RHOQ: variants seen among roughly 807,000 people sequenced by gnomAD.
RHOQ encodes the protein rho-related GTP-binding protein RhoQ.
RHOQ carries 7 observed loss-of-function variants against 25.8 expected under a neutral mutation model. The observed-to-expected ratio is 0.27, with a 90% CI of 0.15 to 0.51. RHOQ has a LOEUF of 0.51. Among genes scored for constraint, RHOQ ranks in the 20% least tolerant of loss-of-function variants. The probability of loss-of-function intolerance (pLI) is 0.97; values close to 1 mark genes in which losing one functional copy is unlikely to be tolerated. For synonymous variants in RHOQ, 97 were observed against 98.6 expected (o/e 0.98, Z 0.10); for missense variants, 165 against 260.6 (o/e 0.63, Z 2.53).
intron 1 of RHOQ, 83 bp downstream of exon 1, chr2:46,543,271 T>TC: frequency 6.6e-7 from 1 of 1,509,002 alleles, no homozygotes; most frequent in African/African-American, 1.4e-5. Flanking sequence ...CCTCGCCGCC[T>TC]CCCCAGAGCG....
In RHOQ at chr2:46,546,797, A is replaced by G. The variant is rs1342430379; in HGVS notation, c.201+2985A>G. 2.6e-5 allele frequency among the ~76,000 whole-genome samples: 4 copies of G among 152,168 alleles called. No homozygotes were observed. The South Asian group carries it at 6.2e-4, about 24-fold the overall frequency. ...GTACAGGAAATTATTATATTCCACTATGGGGAGTTTTGTGGGGAGAAAGGT... is the reference window on the plus strand; with the variant it reads ...GTACAGGAAATTATTATATTCCACTGTGGGGAGTTTTGTGGGGAGAAAGGT... On this transcript the variant is annotated intron_variant, in intron 2 of 4. Coordinates refer to ENST00000238738, the MANE Select transcript of RHOQ (RefSeq NM_012249.4).
chr2:46,572,209 C>T (rs963091148), intron 2 of RHOQ, among the ~76,000 whole-genome samples: 3 of 138,360 alleles, frequency 2.2e-5, no homozygotes, highest in Non-Finnish European at 4.5e-5. Context: ...CTCAACTGAT[C>T]CACCCACCTG....
chr2:46,552,134 G>C lies in RHOQ; in HGVS notation c.201+8322G>C, dbSNP rs1668260408. Among the ~76,000 whole-genome samples, 1 of 152,236 alleles carries C rather than the reference G, an allele frequency of 6.6e-6. No homozygotes were observed. The highest frequency in any genetic ancestry group is 2.4e-5 in the African/African-American group (1 of 41,462). On this transcript the variant is annotated intron_variant, in intron 2 of 4. Transcript: ENST00000238738. This position sits in a 1 kb window ranked among gnomAD's most constrained non-coding sequence, Gnocchi z 5.0. Reference sequence around the variant, plus strand: ...GCGTATCGCTTTTCTAGCTAGAAGAGATGGTGGAACATTGTGTATAGGTGG... The same window carrying C: ...GCGTATCGCTTTTCTAGCTAGAAGACATGGTGGAACATTGTGTATAGGTGG...
chr2:46,558,403 T>C (rs1668467145), intron 2 of RHOQ, among the ~76,000 whole-genome samples: 1 of 152,242 alleles, frequency 6.6e-6, no homozygotes, highest in African/African-American at 2.4e-5. Context: ...TTTTTATTCC[T>C]TCATACCGGA....
chr2:46,565,501 G>A (rs965025830), intron 2 of RHOQ, among the ~76,000 whole-genome samples: 1 of 152,240 alleles, frequency 6.6e-6, no homozygotes, highest in Non-Finnish European at 1.5e-5. Context: ...CATTCAGGGA[G>A]GTGGGTTGGA....
At position 46,576,625 on chromosome 2, in the gene RHOQ, G is replaced by A; in HGVS notation, c.431G>A (p.Cys144Tyr). The A allele has an allele frequency of 6.2e-7, 1 of 1,608,656 alleles. No individual in the cohort carries two copies. Among genetic ancestry groups the A allele is most frequent in the Non-Finnish European group, 8.5e-7 (1 of 1,177,128 alleles). ...RLNDMKEKPI[C>Y]VEQGQKLAKE... The stretch of plus-strand genomic sequence containing the variant: ...AATGATATGAAAGAAAAACCTATAT[G>A]TGTGGAACAAGGACAGAAACTAGCA... Residue 144 changes from cysteine to tyrosine, a missense_variant, in exon 4 of 5, where the codon TGT becomes TAT. Transcript: ENST00000238738. The surrounding 1 kb of genome is among the most constrained non-coding windows in gnomAD (Gnocchi z 5.1).
chr2:46,567,011 C>T (rs1277808277), intron 2 of RHOQ, among the ~76,000 whole-genome samples: 1 of 152,150 alleles, frequency 6.6e-6, no homozygotes, highest in East Asian at 1.9e-4. Flanking sequence ...ACCCATCTCC[C>T]ATTTTTATAA....
chr2:46,565,170 T>G (rs1416221446), intron 2 of RHOQ, among the ~76,000 whole-genome samples: 1 of 152,092 alleles, frequency 6.6e-6, no homozygotes, highest in East Asian at 1.9e-4. Context: ...AACCAGCGAC[T>G]TAGTGGGAGG....
In RHOQ at chr2:46,583,715, G is replaced by C. The variant is rs372838910; in HGVS notation, c.*2632G>C. 6.6e-6 allele frequency among the ~76,000 whole-genome samples: 1 copy of C among 152,136 alleles called. No individual in the cohort carries two copies. The highest frequency in any genetic ancestry group is 1.5e-5 in the Non-Finnish European group (1 of 67,998). ...TTCATTCAAAGCTTAGGCTTCAATAGAAATTCAGACTAATCACTGAAATGA... is the reference window on the plus strand; with the variant it reads ...TTCATTCAAAGCTTAGGCTTCAATACAAATTCAGACTAATCACTGAAATGA... On this transcript the variant is annotated 3_prime_UTR_variant, in exon 5 of 5. Coordinates refer to ENST00000238738, the MANE Select transcript of RHOQ (RefSeq NM_012249.4).
chr2:46,552,110 C>T lies in RHOQ; in HGVS notation c.201+8298C>T, dbSNP rs1383272862. Among the ~76,000 whole-genome samples the T allele has an allele frequency of 3.3e-5, 5 of 152,322 alleles. No individual in the cohort carries two copies. The highest frequency in any genetic ancestry group is 2.0e-4 in the Admixed American group (3 of 15,308). On this transcript the variant is annotated intron_variant, in intron 2 of 4. Coordinates refer to ENST00000238738, the MANE Select transcript of RHOQ (RefSeq NM_012249.4). The surrounding 1 kb of genome is among the most constrained non-coding windows in gnomAD (Gnocchi z 5.0). ...TTTCATGTAAAAGGTACATTCCAAG[C>T]GTATCGCTTTTCTAGCTAGAAGAGA...
In RHOQ at chr2:46,546,476, GTATA is replaced by G. The variant is rs1553418898; in HGVS notation, c.201+2696_201+2699del. Among the ~76,000 whole-genome samples, 20 of 13,098 alleles carry G rather than the reference GTATA, an allele frequency of 1.5e-3. 1 individual carries two copies. The highest frequency in any genetic ancestry group is 2.3e-3 in the Non-Finnish European group (15 of 6,600). The allele number at this position is 13,098 out of a possible 152,430, so 8.6% of individuals were successfully genotyped here. On this transcript the variant is annotated intron_variant, in intron 2 of 4. Transcript: ENST00000238738. Reference sequence around the variant, plus strand: ...CATATATATATATATATATATATGTGTATATATATATATATATATATATATATAT... The same window carrying G: ...CATATATATATATATATATATATGTGTATATATATATATATATATATATAT...
intron 2 of RHOQ, among the ~76,000 whole-genome samples, chr2:46,554,381 G>A (rs1668347882): frequency 6.6e-6 from 1 of 152,172 alleles, no homozygotes; most frequent in Non-Finnish European, 1.5e-5. Flanking sequence ...CTAGGGCTGT[G>A]CGCCCAGTAG....
At chr2:46,570,828 G>C (rs1668889822) in intron 2 of RHOQ, among the ~76,000 whole-genome samples, 1 of 152,182 alleles carries the variant, frequency 6.6e-6, no homozygotes, top group Non-Finnish European at 1.5e-5. Context: ...GAAGGCTGGG[G>C]CTTATCTGTT....
chr2:46,546,350 T>G (rs1023587563), intron 2 of RHOQ, among the ~76,000 whole-genome samples: 1 of 150,450 alleles, frequency 6.6e-6, no homozygotes, highest in Non-Finnish European at 1.5e-5. Flanking sequence ...ATATCAGATT[T>G]GTCTTACAAT....
intron 2 of RHOQ, among the ~76,000 whole-genome samples, chr2:46,545,111 T>G (rs1668003408): frequency 6.6e-6 from 1 of 152,174 alleles, no homozygotes; most frequent in South Asian, 2.1e-4. Context: ...GACCACCCCC[T>G]TTCACCAAAA....
In RHOQ at chr2:46,569,319, G is replaced by C. The variant is rs1309666490; in HGVS notation, c.202-6768G>C. 6.6e-6 allele frequency: 1 copy of C among 152,208 alleles called. No individual in the cohort carries two copies. The highest frequency in any genetic ancestry group is 2.4e-5 in the African/African-American group (1 of 41,458). 9.4% of individuals were successfully genotyped at this position (152,208 alleles called of 1,614,324 possible). A position where few individuals can be genotyped will look rare whatever the true frequency, so the allele number is the denominator to read the frequency against. Reference sequence around the variant, plus strand: ...TAGATAAAATGGAATCCTAAAACTTGATTTTTATCCCGTAGTGTGAACCTC... The same window carrying C: ...TAGATAAAATGGAATCCTAAAACTTCATTTTTATCCCGTAGTGTGAACCTC... On this transcript the variant is annotated intron_variant, in intron 2 of 4. Transcript: ENST00000238738. The surrounding 1 kb of genome is among the most constrained non-coding windows in gnomAD (Gnocchi z 4.1).
In RHOQ at chr2:46,569,640, T is replaced by A. The variant is rs1443966384; in HGVS notation, c.202-6447T>A. 1 of 152,196 alleles carries A rather than the reference T, an allele frequency of 6.6e-6. No homozygotes were observed. Among genetic ancestry groups the A allele is most frequent in the Non-Finnish European group, 1.5e-5 (1 of 68,034 alleles). The allele number at this position is 152,196 out of a possible 1,614,324, so 9.4% of individuals were successfully genotyped here. A position where few individuals can be genotyped will look rare whatever the true frequency, so the allele number is the denominator to read the frequency against. On this transcript the variant is annotated intron_variant, in intron 2 of 4. Transcript: ENST00000238738. The surrounding 1 kb of genome is among the most constrained non-coding windows in gnomAD (Gnocchi z 4.1). ...AATGGAAAAGAAGCCCAAGATCTAG[T>A]TCTCTAGCTCCTAAATAATTGGTAT...
intron 2 of RHOQ, among the ~76,000 whole-genome samples, chr2:46,561,592 A>C (rs1456108871): frequency 6.6e-6 from 1 of 152,122 alleles, no homozygotes; most frequent in Non-Finnish European, 1.5e-5. Flanking sequence ...GGAGAGATTA[A>C]CAGAGAACAT....
At chr2:46,549,532 C>G (rs914977823) in intron 2 of RHOQ, among the ~76,000 whole-genome samples, 1 of 152,176 alleles carries the variant, frequency 6.6e-6, no homozygotes, top group African/African-American at 2.4e-5. Flanking sequence ...AATGCTTCAG[C>G]AGGAGAGGGA....
Sources: gnomAD v4.1 joint callset for allele counts (sites outside exome capture counted in the v4.1 genomes callset) on GRCh38, gnomAD v4.1.1 for gene constraint, Gnocchi (gnomAD v3.1) non-coding constraint, MANE v1.5 for transcripts, NCBI Gene and HGNC (gene_info 2026-07-23, HGNC 2026-07-21) for gene names.